CALN1: variants seen among roughly 807,000 people sequenced by gnomAD.
The protein encoded by CALN1 is calneuron 1.
CALN1 carries 17 observed loss-of-function variants against 30.6 expected under a neutral mutation model. That is an observed-to-expected ratio of 0.56 (90% CI 0.38 to 0.83). The LOEUF is 0.83. Ranked by LOEUF, CALN1 falls within the 40% of genes least tolerant of loss-of-function variation. CALN1 has a pLI of 0.00. For synonymous variants in CALN1, 156 were observed against 131.4 expected (o/e 1.19, Z -1.28); for missense variants, 291 against 354.9 (o/e 0.82, Z 1.45).
rs541105719 is a variant in CALN1, at chr7:72,375,117, T to C, written c.119+28134A>G. The stretch of plus-strand genomic sequence containing the variant: ...TAATTTGTTATTGCTGCATAAAAAA[T>C]TACCACCATCAGTGGCTTAAACACG... On this transcript the variant is annotated intron_variant, in intron 2 of 6. Coordinates refer to ENST00000395275, the MANE Select transcript of CALN1 (RefSeq NM_031468.4). 1.1e-4 allele frequency among the ~76,000 whole-genome samples: 17 copies of C among 152,296 alleles called. No individual in the cohort carries two copies. In the South Asian group the frequency reaches 2.7e-3, roughly 24 times the overall value.
Position 71,828,938 on chromosome 7 carries a change from G to A in CALN1, c.502-18446C>T, listed in dbSNP as rs1331248281. 2.0e-5 allele frequency among the ~76,000 whole-genome samples: 3 copies of A among 151,800 alleles called. No individual in the cohort carries two copies. In the East Asian group the frequency reaches 5.8e-4, roughly 29 times the overall value. ...TAATTTTTGTATTTTTAGTAGAGAC[G>A]GGGTTTCCCTGTGTTGGCCAGGCTG... On this transcript the variant is annotated intron_variant, in intron 5 of 6. Coordinates refer to ENST00000395275, the MANE Select transcript of CALN1 (RefSeq NM_031468.4).
At chr7:72,313,313 G>T (rs542446866) in intron 2 of CALN1, among the ~76,000 whole-genome samples, 1 of 151,468 alleles carries the variant, frequency 6.6e-6, no homozygotes, top group East Asian at 1.9e-4. Flanking sequence ...TGGGAAAATC[G>T]AAAAAACATT....
chr7:71,848,321 T>C (rs1790439838), intron 5 of CALN1, among the ~76,000 whole-genome samples: 1 of 152,188 alleles, frequency 6.6e-6, no homozygotes, highest in South Asian at 2.1e-4. Flanking sequence ...CTCACACCCG[T>C]ATTTATACTG....
chr7:71,903,368 G>A (rs1263074933), intron 5 of CALN1, among the ~76,000 whole-genome samples: 1 of 152,008 alleles, frequency 6.6e-6, no homozygotes, highest in Non-Finnish European at 1.5e-5. Context: ...TAGACCCAAG[G>A]AACAGAATAA....
chr7:72,323,796 C>A (rs1476497971), intron 2 of CALN1, among the ~76,000 whole-genome samples: 4 of 152,118 alleles, frequency 2.6e-5, no homozygotes, highest in African/African-American at 4.8e-5. Flanking sequence ...GTAATCCCGG[C>A]ACTTTGGGAG....
rs1201603542 is a variant in CALN1 at position 72,121,788 on chromosome 7, TATA to T, written c.245-15497_245-15495del. Reference sequence around the variant, plus strand: ...TAATGATTATTATAAATAAGCATATTATAATATGTGTTTTGATTATTGTAAACA... The same window carrying T: ...TAATGATTATTATAAATAAGCATATTATATGTGTTTTGATTATTGTAAACA... On this transcript the variant is annotated intron_variant, in intron 3 of 6. Coordinates refer to ENST00000395275, the MANE Select transcript of CALN1 (RefSeq NM_031468.4). Among the ~76,000 whole-genome samples the T allele has an allele frequency of 1.9e-4, 27 of 145,592 alleles. 1 individual carries two copies. The South Asian group carries it at 4.7e-3, about 25-fold the overall frequency.
chr7:72,338,789 C>G (rs1802247703), intron 2 of CALN1, among the ~76,000 whole-genome samples: 1 of 152,114 alleles, frequency 6.6e-6, no homozygotes, highest in African/African-American at 2.4e-5. Context: ...CTCAAACATT[C>G]ATCCTTTGAG....
In CALN1 at chr7:71,810,478, C is replaced by T. The variant is rs766266814; in HGVS notation, c.516G>A (p.Arg172=). 30 of 1,613,676 alleles carry T rather than the reference C, an allele frequency of 1.9e-5. No individual in the cohort carries two copies. Among genetic ancestry groups the T allele is most frequent in the Admixed American group, 3.3e-5 (2 of 59,968 alleles). Residue 172 remains arginine, a synonymous_variant, in exon 6 of 7, where the codon AGG becomes AGA. Transcript: ENST00000395275. The part of the protein sequence containing the change: ...DSIFWQFDMQ[R]ITLEELKHIL... Reference sequence around the variant, plus strand: ...TGTGCTTCAACTCTTCCAGAGTTATCCTTTGCATGTCAAACTGTGGAGATA... The same window carrying T: ...TGTGCTTCAACTCTTCCAGAGTTATTCTTTGCATGTCAAACTGTGGAGATA...
At chr7:72,248,744 A>AG (rs1468975565) in intron 3 of CALN1, among the ~76,000 whole-genome samples, 1 of 151,676 alleles carries the variant, frequency 6.6e-6, no homozygotes, top group Non-Finnish European at 1.5e-5. Flanking sequence ...GCACATCTTT[A>AG]GGGGGATATC....
chr7:71,921,216 G>A (rs1390026170), intron 5 of CALN1, among the ~76,000 whole-genome samples: 1 of 152,128 alleles, frequency 6.6e-6, no homozygotes, highest in African/African-American at 2.4e-5. Flanking sequence ...CTCAGGGAGT[G>A]GGGGTCTAGG....
At chr7:72,209,318 C>CTT (rs1792181481) in intron 3 of CALN1, among the ~76,000 whole-genome samples, 5 of 49,254 alleles carry the variant, frequency 1.0e-4, no homozygotes, top group African/African-American at 7.7e-4. Flanking sequence ...CCCTCCTTCC[C>CTT]TCCTTCCCTC....
chr7:72,002,976 A>G (rs1268521211), intron 5 of CALN1, among the ~76,000 whole-genome samples: 5 of 152,192 alleles, frequency 3.3e-5, no homozygotes, highest in Non-Finnish European at 2.9e-5. Flanking sequence ...GAGATCTATT[A>G]TATAATATGG....
chr7:72,214,892 A>C (rs1792666627), intron 3 of CALN1, among the ~76,000 whole-genome samples: 1 of 150,858 alleles, frequency 6.6e-6, no homozygotes, highest in African/African-American at 2.4e-5. Flanking sequence ...TGAGGATCTA[A>C]TGCCTAATGA....
intron 3 of CALN1, among the ~76,000 whole-genome samples, chr7:72,221,295 T>C (rs2129549554): frequency 6.7e-6 from 1 of 150,356 alleles, no homozygotes; most frequent in African/African-American, 2.4e-5. Flanking sequence ...TGTTTTCACT[T>C]ACACAAGTCT....
At chr7:72,405,731 G>T (rs1293816047) in intron 1 of CALN1, among the ~76,000 whole-genome samples, 1 of 151,726 alleles carries the variant, frequency 6.6e-6, no homozygotes. Context: ...AAAAAAAAAT[G>T]ACATTTTATT....
chr7:71,970,930 C>G (rs1467691298), intron 5 of CALN1, among the ~76,000 whole-genome samples: 1 of 152,182 alleles, frequency 6.6e-6, no homozygotes, highest in African/African-American at 2.4e-5. Context: ...GCTTGAACAC[C>G]TAGATTCCAA....
intron 5 of CALN1, among the ~76,000 whole-genome samples, chr7:71,977,895 G>A (rs995233685): frequency 6.8e-6 from 1 of 147,068 alleles, no homozygotes; most frequent in Non-Finnish European, 1.5e-5. Flanking sequence ...TTGTGCCACT[G>A]CACTCCAGCC....
intron 5 of CALN1, among the ~76,000 whole-genome samples, chr7:72,012,764 C>A (rs1800156722): frequency 6.6e-6 from 1 of 152,078 alleles, no homozygotes; most frequent in South Asian, 2.1e-4. Context: ...TGGCAGCTGG[C>A]AGCTGCATTA....
intron 3 of CALN1, among the ~76,000 whole-genome samples, chr7:72,116,024 A>T (rs570881920): frequency 6.6e-6 from 1 of 152,296 alleles, no homozygotes; most frequent in South Asian, 2.1e-4. Context: ...GCTGAATAAC[A>T]GTCCATTGTG....
Sources: allele counts gnomAD v4.1 joint callset (sites outside exome capture counted in the v4.1 genomes callset), GRCh38; gene constraint gnomAD v4.1.1; transcripts MANE v1.5; gene names NCBI Gene and HGNC (gene_info 2026-07-23, HGNC 2026-07-21).